Variants in KHDRBS2 observed in about 807,000 individuals in gnomAD.
The protein encoded by KHDRBS2 is KH RNA binding domain containing, signal transduction associated 2, also known as KH domain-containing, RNA-binding, signal transduction-associated protein 2.
KHDRBS2 carries 26 observed loss-of-function variants against 44.3 expected under a neutral mutation model. The observed-to-expected ratio is 0.59, with a 90% CI of 0.43 to 0.81. The LOEUF (loss-of-function observed/expected upper bound fraction) is 0.81. KHDRBS2 is among the 40% of genes least tolerant of loss of function. The pLI is 0.00. For missense variants in KHDRBS2, 476 were observed against 433.1 expected (o/e 1.10, Z -0.88); for synonymous variants, 194 against 151.1 (o/e 1.28, Z -2.08).
the KHDRBS2 span, among the ~76,000 whole-genome samples, chr6:61,611,149 C>T: frequency 6.6e-6 from 1 of 152,160 alleles, no homozygotes; most frequent in Non-Finnish European, 1.5e-5. Flanking sequence ...CAATCAATGA[C>T]ATGTAAACCC....
At chr6:61,756,881 G>T (rs1484583565) in intron 6 of KHDRBS2, among the ~76,000 whole-genome samples, 1 of 152,090 alleles carries the variant, frequency 6.6e-6, no homozygotes, top group Non-Finnish European at 1.5e-5. Context: ...CTGCACTCTA[G>T]CCTCTTTCCT....
At chr6:61,919,720 G>C (rs777189634) in intron 4 of KHDRBS2, among the ~76,000 whole-genome samples, 18 of 151,062 alleles carry the variant, frequency 1.2e-4, no homozygotes, top group South Asian at 2.1e-4. Flanking sequence ...AAAACCTGAA[G>C]AACAACAACA....
intron 7 of KHDRBS2, among the ~76,000 whole-genome samples, chr6:61,724,011 A>T (rs753394599): frequency 2.6e-5 from 4 of 152,150 alleles, no homozygotes; most frequent in East Asian, 3.9e-4. Context: ...GCACATAATC[A>T]TCAGATTTTC....
At position 62,026,396 on chromosome 6, in the gene KHDRBS2, CTAAT is replaced by C. The variant is rs1006348473; in HGVS notation, c.336+21478_336+21481del. On this transcript the variant is annotated intron_variant, in intron 3 of 8. Coordinates refer to ENST00000281156, the MANE Select transcript of KHDRBS2 (RefSeq NM_152688.4). ...TTCTTTTCTTTCTTTCCTTCTTTAA[CTAAT>C]TAATTATTTTATTTTATTTATTATT... 1.2e-4 allele frequency among the ~76,000 whole-genome samples: 18 copies of C among 148,230 alleles called. No homozygotes were observed. In the South Asian group the frequency reaches 2.3e-3, roughly 19 times the overall value.
chr6:61,719,261 G>C (rs1457637653), intron 7 of KHDRBS2, among the ~76,000 whole-genome samples: 1 of 152,038 alleles, frequency 6.6e-6, no homozygotes, highest in Admixed American at 6.6e-5. Context: ...ATCTGAATTG[G>C]TCTTTTGGCT....
intron 3 of KHDRBS2, among the ~76,000 whole-genome samples, chr6:62,027,679 A>G (rs886384378): frequency 2.0e-5 from 3 of 152,132 alleles, no homozygotes; most frequent in Non-Finnish European, 4.4e-5. Context: ...CAATGATTTA[A>G]TAACATGCTT....
At chr6:61,737,940 C>T (rs1775625989) in intron 6 of KHDRBS2, among the ~76,000 whole-genome samples, 1 of 151,706 alleles carries the variant, frequency 6.6e-6, no homozygotes, top group Non-Finnish European at 1.5e-5. Flanking sequence ...TGATGATGGT[C>T]TAAGATAAAT....
the KHDRBS2 span, among the ~76,000 whole-genome samples, chr6:61,548,963 C>T: frequency 1.3e-5 from 2 of 152,000 alleles, no homozygotes; most frequent in Non-Finnish European, 2.9e-5. Context: ...TCAGCAAACA[C>T]TTGGAATGGG....
At chr6:62,068,146 G>C (rs1734757914) in intron 2 of KHDRBS2, among the ~76,000 whole-genome samples, 1 of 151,432 alleles carries the variant, frequency 6.6e-6, no homozygotes, top group Admixed American at 6.6e-5. Flanking sequence ...AGATTTAACA[G>C]TCCCACCTGT....
chr6:62,214,895 A>G (rs184304654), intron 1 of KHDRBS2, among the ~76,000 whole-genome samples: 9 of 152,116 alleles, frequency 5.9e-5, no homozygotes, highest in Admixed American at 1.3e-4. Context: ...TTCTATCAAC[A>G]ATTCCAACTG....
chr6:61,790,390 A>T (rs1784440234), intron 6 of KHDRBS2, among the ~76,000 whole-genome samples: 1 of 147,620 alleles, frequency 6.8e-6, no homozygotes. Flanking sequence ...CTTTCACAGT[A>T]CACCTTACTT....
chr6:62,135,731 T>C (rs1209696893), intron 2 of KHDRBS2, among the ~76,000 whole-genome samples: 1 of 152,116 alleles, frequency 6.6e-6, no homozygotes, highest in Non-Finnish European at 1.5e-5. Context: ...TGGAACATTA[T>C]ACAGCCTTAA....
intron 6 of KHDRBS2, among the ~76,000 whole-genome samples, chr6:61,814,477 C>T (rs754911967): frequency 2.6e-5 from 4 of 151,130 alleles, no homozygotes; most frequent in Non-Finnish European, 4.4e-5. Flanking sequence ...TGTGGTGCTG[C>T]GTGCCTGTAA....
Position 62,137,222 on chromosome 6 carries a change from T to C in KHDRBS2, c.219+39963A>G, listed in dbSNP as rs1446018258. 1.6e-4 allele frequency among the ~76,000 whole-genome samples: 24 copies of C among 151,932 alleles called. 1 individual carries two copies. On this transcript the variant is annotated intron_variant, in intron 2 of 8. Coordinates refer to ENST00000281156, the MANE Select transcript of KHDRBS2 (RefSeq NM_152688.4). ...TTCACCGTGTTAGCCAGGATAGTCTTGATCTCCTGACCTCAGGATCCGCCC... is the reference window on the plus strand; with the variant it reads ...TTCACCGTGTTAGCCAGGATAGTCTCGATCTCCTGACCTCAGGATCCGCCC...
At chr6:62,062,437 C>T (rs1380839475) in intron 2 of KHDRBS2, among the ~76,000 whole-genome samples, 1 of 151,156 alleles carries the variant, frequency 6.6e-6, no homozygotes, top group Non-Finnish European at 1.5e-5. Flanking sequence ...TCTCTCAGAC[C>T]ACAGTGCAAT....
the KHDRBS2 span, among the ~76,000 whole-genome samples, chr6:61,617,676 G>C: frequency 6.6e-6 from 1 of 152,010 alleles, no homozygotes; most frequent in Non-Finnish European, 1.5e-5. Context: ...GTCAGCAATA[G>C]CATGTTCATA....
At chr6:61,825,711 C>T (rs1790746419) in intron 6 of KHDRBS2, among the ~76,000 whole-genome samples, 1 of 152,048 alleles carries the variant, frequency 6.6e-6, no homozygotes, top group South Asian at 2.1e-4. Flanking sequence ...AACACAGACA[C>T]TGCAGCCCAA....
At chr6:62,251,498 T>C (rs1836526414) in intron 1 of KHDRBS2, among the ~76,000 whole-genome samples, 2 of 151,948 alleles carry the variant, frequency 1.3e-5, no homozygotes, top group African/African-American at 4.8e-5. Flanking sequence ...CCATATCACA[T>C]AGACTGTAAA....
At chr6:61,699,850 C>CA (rs1385509538) in intron 7 of KHDRBS2, among the ~76,000 whole-genome samples, 1 of 151,978 alleles carries the variant, frequency 6.6e-6, no homozygotes, top group Non-Finnish European at 1.5e-5. Flanking sequence ...CACTGCCCAA[C>CA]ATGTTTACAT....
Sources: gnomAD v4.1 joint callset for allele counts (sites outside exome capture counted in the v4.1 genomes callset) on GRCh38, gnomAD v4.1.1 for gene constraint, MANE v1.5 for transcripts, NCBI Gene and HGNC (gene_info 2026-07-23, HGNC 2026-07-21) for gene names.